Variants in HS3ST3A1 observed in about 807,000 individuals in gnomAD.
HS3ST3A1 encodes heparan sulfate glucosamine 3-O-sulfotransferase 3A1.
A neutral mutation model predicts 25.7 loss-of-function variants in HS3ST3A1; 19 were observed. That is an observed-to-expected ratio of 0.74 (90% CI 0.52 to 1.08). The LOEUF is 1.08. Among genes scored for constraint, HS3ST3A1 ranks in the 50% least tolerant of loss-of-function variants. The pLI is 0.00. For synonymous variants in HS3ST3A1, 226 were observed against 278.6 expected (o/e 0.81, Z 1.88); for missense variants, 459 against 594.3 (o/e 0.77, Z 2.37).
At chr17:13,521,604 C>T (rs997865771) in intron 1 of HS3ST3A1, among the ~76,000 whole-genome samples, 1 of 152,146 alleles carries the variant, frequency 6.6e-6, no homozygotes, top group Admixed American at 6.5e-5. Context: ...CCCTGCATGG[C>T]CTTCAAGGTC....
chr17:13,568,282 A>G (rs1907724895), intron 1 of HS3ST3A1, among the ~76,000 whole-genome samples: 2 of 152,248 alleles, frequency 1.3e-5, no homozygotes, highest in African/African-American at 4.8e-5. Context: ...AGACTATAGT[A>G]TAGCATAAAC....
At chr17:13,584,282 C>A (rs932186853) in intron 1 of HS3ST3A1, among the ~76,000 whole-genome samples, 1 of 152,070 alleles carries the variant, frequency 6.6e-6, no homozygotes, top group African/African-American at 2.4e-5. Context: ...ACAAGTGCTG[C>A]CTTGAAGAAG....
chr17:13,577,707 A>T (rs1378515081), intron 1 of HS3ST3A1, among the ~76,000 whole-genome samples: 1 of 152,242 alleles, frequency 6.6e-6, no homozygotes, highest in Non-Finnish European at 1.5e-5. Flanking sequence ...AGTATGTACA[A>T]GTTCACCAAT....
At chr17:13,512,179 G>A (rs1031295683) in intron 1 of HS3ST3A1, among the ~76,000 whole-genome samples, 1 of 151,890 alleles carries the variant, frequency 6.6e-6, no homozygotes, top group Non-Finnish European at 1.5e-5. Flanking sequence ...GGCGCCTGTA[G>A]TCCCAGCTAC....
rs1598419278 is a variant in HS3ST3A1, at chr17:13,538,845, C to A, written c.600-42027G>T. 2.6e-5 allele frequency among the ~76,000 whole-genome samples: 4 copies of A among 152,254 alleles called. No individual in the cohort carries two copies. In the South Asian group the frequency reaches 8.3e-4, roughly 32 times the overall value. The stretch of plus-strand genomic sequence containing the variant: ...ATAAAACAAAATCTATCAGAAATCT[C>A]TTGGCCAACTAACTGTCATGTACTG... On this transcript the variant is annotated intron_variant, in intron 1 of 1. Transcript: ENST00000284110.
At chr17:13,589,957 C>A (rs892053608) in intron 1 of HS3ST3A1, among the ~76,000 whole-genome samples, 2 of 152,136 alleles carry the variant, frequency 1.3e-5, no homozygotes, top group African/African-American at 4.8e-5. Flanking sequence ...TTCAAACCAG[C>A]CTGGCAACTT....
intron 1 of HS3ST3A1, among the ~76,000 whole-genome samples, chr17:13,556,581 T>C (rs8080788): frequency 0.36 from 53,782 of 150,818 alleles, 11,865 homozygotes; most frequent in African/African-American, 0.63. Context: ...AGGCCGGTCA[T>C]GGTGGCTCAT....
At chr17:13,517,754 C>G (rs535654143) in intron 1 of HS3ST3A1, among the ~76,000 whole-genome samples, 166 of 152,166 alleles carry the variant, frequency 1.1e-3, no homozygotes, top group African/African-American at 3.8e-3. Context: ...CAGGTTCAAG[C>G]GATTCTCCTG....
chr17:13,593,233 C>CCAAAAAAAAAA (rs1908478406), intron 1 of HS3ST3A1, among the ~76,000 whole-genome samples: 1 of 103,186 alleles, frequency 9.7e-6, no homozygotes, highest in African/African-American at 3.6e-5. Flanking sequence ...TGTTTGTAGC[C>CCAAAAAAAAAA]AAAAAAAAAA....
chr17:13,583,716 A>G (rs369025928), intron 1 of HS3ST3A1, among the ~76,000 whole-genome samples: 1 of 152,356 alleles, frequency 6.6e-6, no homozygotes, highest in Admixed American at 6.5e-5. Context: ...AACTTTACAT[A>G]GTCACTCCAC....
rs758836317 is a variant in HS3ST3A1 at position 13,496,286 on chromosome 17, C to A, written c.1132G>T (p.Glu378Ter). 1.3e-6 allele frequency: 2 copies of A among 1,545,618 alleles called. No homozygotes were observed. The highest frequency in any genetic ancestry group is 1.7e-6 in the Non-Finnish European group (2 of 1,150,464). Residue 378 changes from glutamate to a stop codon, truncating the protein, a stop_gained, in exon 2 of 2, where the codon GAG becomes TAG. Coordinates refer to ENST00000284110, the MANE Select transcript of HS3ST3A1 (RefSeq NM_006042.3). LOFTEE classifies it high-confidence loss of function. ...KGRTHPEIDR[E>*]VVRRLREFYR... ...AACTCGCGCAGCCTGCGCACCACCTCGCGGTCGATCTCAGGATGGGTCCTG... is the reference window on the plus strand; with the variant it reads ...AACTCGCGCAGCCTGCGCACCACCTAGCGGTCGATCTCAGGATGGGTCCTG...
chr17:13,585,186 C>CTTTTTTTTTGTTTTTTTTTTTT (rs1908219734), intron 1 of HS3ST3A1, among the ~76,000 whole-genome samples: 1 of 33,234 alleles, frequency 3.0e-5, no homozygotes, highest in Non-Finnish European at 5.2e-5. Flanking sequence ...TTTTTCTGTG[C>CTTTTTTTTTGTTTTTTTTTTTT]TTTTTTTTTT....
rs10708633 is a variant in HS3ST3A1 at position 13,535,659 on chromosome 17, T to TA, written c.600-38842dup. Among the ~76,000 whole-genome samples the TA allele has an allele frequency of 2.0e-5, 3 of 151,550 alleles. No individual in the cohort carries two copies. In the East Asian group the frequency reaches 5.8e-4, roughly 29 times the overall value. ...CAACTGCATTTGTTAAATGGATGTATAAAAAAAAAGAAATTAAAAACCCAT... is the reference window on the plus strand; with the variant it reads ...CAACTGCATTTGTTAAATGGATGTATAAAAAAAAAAGAAATTAAAAACCCAT... On this transcript the variant is annotated intron_variant, in intron 1 of 1. Transcript: ENST00000284110.
At chr17:13,514,816 C>T (rs1044566448) in intron 1 of HS3ST3A1, among the ~76,000 whole-genome samples, 1 of 152,190 alleles carries the variant, frequency 6.6e-6, no homozygotes, top group African/African-American at 2.4e-5. Flanking sequence ...CAAATCAGTA[C>T]ACATACTGGA....
intron 1 of HS3ST3A1, among the ~76,000 whole-genome samples, chr17:13,565,691 T>C (rs1019466032): frequency 6.6e-6 from 1 of 152,258 alleles, no homozygotes; most frequent in Non-Finnish European, 1.5e-5. Flanking sequence ...TTTGGATGGA[T>C]GAGTGTGTTT....
intron 1 of HS3ST3A1, among the ~76,000 whole-genome samples, chr17:13,537,646 A>G (rs1906810651): frequency 1.3e-5 from 2 of 152,250 alleles, no homozygotes; most frequent in African/African-American, 4.8e-5. Flanking sequence ...AGCAGTGGCC[A>G]AACCTTGGGT....
At chr17:13,549,001 G>A (rs975708607) in intron 1 of HS3ST3A1, among the ~76,000 whole-genome samples, 6 of 152,188 alleles carry the variant, frequency 3.9e-5, no homozygotes, top group Middle Eastern at 3.2e-3. Flanking sequence ...CCGCAGCAGC[G>A]ATCTGCTCCG....
intron 1 of HS3ST3A1, among the ~76,000 whole-genome samples, chr17:13,518,896 A>C (rs557520893): frequency 6.6e-5 from 10 of 152,346 alleles, no homozygotes; most frequent in Admixed American, 2.6e-4. Context: ...GTTAGCCTGG[A>C]TCAGCTAAAA....
chr17:13,506,096 TA>T (rs1235289041), intron 1 of HS3ST3A1, among the ~76,000 whole-genome samples: 4 of 147,744 alleles, frequency 2.7e-5, no homozygotes, highest in Admixed American at 2.0e-4. Flanking sequence ...TTTTTTTTTT[TA>T]AAGTTAGGGT....
Sources: gnomAD v4.1 joint callset for allele counts (sites outside exome capture counted in the v4.1 genomes callset) on GRCh38, gnomAD v4.1.1 for gene constraint, MANE v1.5 for transcripts, NCBI Gene and HGNC (gene_info 2026-07-23, HGNC 2026-07-21) for gene names.